Variants in SLC7A1 observed in about 807,000 individuals in gnomAD.
SLC7A1 encodes high affinity cationic amino acid transporter 1.
SLC7A1 carries 10 observed loss-of-function variants against 53.9 expected under a neutral mutation model. The ratio of observed to expected loss-of-function variants is 0.19; its 90% CI spans 0.11 to 0.31. SLC7A1 has a LOEUF of 0.31. Among genes scored for constraint, SLC7A1 ranks in the 10% least tolerant of loss-of-function variants. The pLI, the probability that SLC7A1 is intolerant of heterozygous loss-of-function variation, is 1.00. For synonymous variants in SLC7A1, 342 were observed against 338.7 expected, an observed-to-expected ratio of 1.01 and a Z score of -0.11; for missense variants, 525 against 827.2, an observed-to-expected ratio of 0.63 and a Z score of 4.48.
chr13:29,593,073 C>T (rs779047271), intron 1 of SLC7A1, among the ~76,000 whole-genome samples: 48 of 152,168 alleles, frequency 3.2e-4, no homozygotes, highest in Non-Finnish European at 4.7e-4. Flanking sequence ...CTGCAACACA[C>T]AGGCAGGCAC....
At chr13:29,528,412 A>G (rs1868998930) in intron 5 of SLC7A1, among the ~76,000 whole-genome samples, 2 of 152,192 alleles carry the variant, frequency 1.3e-5, no homozygotes, top group Admixed American at 1.3e-4. Context: ...AGACCAACAG[A>G]CAGACCGACC....
chr13:29,550,288 G>C (rs969980112), intron 2 of SLC7A1, among the ~76,000 whole-genome samples: 1 of 152,246 alleles, frequency 6.6e-6, no homozygotes, highest in African/African-American at 2.4e-5. Flanking sequence ...CATGCTGGCT[G>C]CAAGGGTAAA....
At position 29,514,207 on chromosome 13, in the gene SLC7A1, A is replaced by C; in HGVS notation, c.*273T>G. The C allele has an allele frequency of 4.3e-6, 2 of 461,108 alleles. No individual in the cohort carries two copies. The highest frequency in any genetic ancestry group is 3.6e-5 in the East Asian group (1 of 27,634). 28.6% of individuals were successfully genotyped at this position (461,108 alleles called of 1,614,324 possible). ...TCGGGGCTGAGCTGGTAGGGGAGGA[A>C]CTGCTTTGTTCAGAGAAGTGAGGAG... On this transcript the variant is annotated 3_prime_UTR_variant, in exon 13 of 13. Transcript: ENST00000380752.
chr13:29,527,032 C>T (rs1224957969), intron 5 of SLC7A1, among the ~76,000 whole-genome samples: 3 of 150,220 alleles, frequency 2.0e-5, no homozygotes, highest in Non-Finnish European at 2.9e-5. Flanking sequence ...ACCCGGGTGC[C>T]GGGACCCTGG....
At chr13:29,552,595 C>T (rs1390953837) in intron 2 of SLC7A1, among the ~76,000 whole-genome samples, 2 of 152,132 alleles carry the variant, frequency 1.3e-5, no homozygotes, top group Admixed American at 1.3e-4. Flanking sequence ...GATGGAAAAC[C>T]GCTTAAAGGT....
At position 29,524,207 on chromosome 13, in the gene SLC7A1, C is replaced by T. The variant is rs747240774; in HGVS notation, c.751G>A (p.Gly251Arg). The change falls in exon 6 of 13, where the codon GGG becomes AGG. Residue 251 changes from glycine to arginine, a missense_variant. Physicochemically the swap from Gly to Arg is moderately radical, Grantham distance 125. Around this residue, in one of 4 missense-constraint regions of SLC7A1, gnomAD observed 354 missense variants for 587.5 expected, o/e 0.60. Coordinates refer to ENST00000380752, the MANE Select transcript of SLC7A1 (RefSeq NM_003045.5). The stretch of plus-strand genomic sequence containing the variant: ...GCCCCCGACAGGACACCAGAGAACC[C>T]GAAGGGCATGAATCCACCAACACCG... ...KPGVGGFMPF[G>R]FSGVLSGAAT... is the part of the protein sequence containing the mutation. 1.1e-5 allele frequency: 17 copies of T among 1,614,106 alleles called. No homozygotes were observed. Among genetic ancestry groups the T allele is most frequent in the South Asian group, 5.5e-5 (5 of 91,072 alleles).
intron 1 of SLC7A1, among the ~76,000 whole-genome samples, chr13:29,564,143 A>G (rs779584927): frequency 2.6e-5 from 4 of 152,112 alleles, no homozygotes; most frequent in African/African-American, 7.2e-5. Flanking sequence ...GGAAGAATAC[A>G]CTGATTTTCC....
At chr13:29,541,380 A>T (rs1869659441) in intron 2 of SLC7A1, among the ~76,000 whole-genome samples, 1 of 152,188 alleles carries the variant, frequency 6.6e-6, no homozygotes, top group South Asian at 2.1e-4. Context: ...AAAGGAAATT[A>T]ACCGTGGTCA....
intron 1 of SLC7A1, among the ~76,000 whole-genome samples, chr13:29,567,791 C>T (rs1871032332): frequency 1.3e-5 from 2 of 151,956 alleles, no homozygotes; most frequent in Non-Finnish European, 2.9e-5. Context: ...GACTGACAGC[C>T]AGTAATTACC....
Position 29,510,028 on chromosome 13 carries a change from C to T in SLC7A1, c.*4452G>A, listed in dbSNP as rs1260902004. 1 of 152,622 alleles carries T rather than the reference C, an allele frequency of 6.6e-6. No homozygotes were observed. Among genetic ancestry groups the T allele is most frequent in the Non-Finnish European group, 1.5e-5 (1 of 68,042 alleles). The allele number at this position is 152,622 out of a possible 1,614,324, so 9.5% of individuals were successfully genotyped here. A position where few individuals can be genotyped will look rare whatever the true frequency, so the allele number is the denominator to read the frequency against. On this transcript the variant is annotated 3_prime_UTR_variant, in exon 13 of 13. Transcript: ENST00000380752. ...ATCATTTGCCTTGTTAATAAATTAACAGTCTGAGTGCATCTTTCCATCCTG... is the reference window on the plus strand; with the variant it reads ...ATCATTTGCCTTGTTAATAAATTAATAGTCTGAGTGCATCTTTCCATCCTG...
In SLC7A1 at chr13:29,528,491, C is replaced by T. The variant is rs368753090; in HGVS notation, c.704+2047G>A. 1.5e-4 allele frequency among the ~76,000 whole-genome samples: 23 copies of T among 152,292 alleles called. No individual in the cohort carries two copies. In the East Asian group the frequency reaches 3.5e-3, roughly 23 times the overall value. On this transcript the variant is annotated intron_variant, in intron 5 of 12. Transcript: ENST00000380752. ...AAAATCACAAACCCATGTGGTCTCA[C>T]GGCCTCCCATGCAAGCGGAAGCTCC... is the stretch of plus-strand genomic sequence containing the variant.
rs530499710 is a variant in SLC7A1 at position 29,513,853 on chromosome 13, G to C, written c.*627C>G. On this transcript the variant is annotated 3_prime_UTR_variant, in exon 13 of 13. Coordinates refer to ENST00000380752, the MANE Select transcript of SLC7A1 (RefSeq NM_003045.5). ...CCCTCAGCCCCGGGCAGCTGTCATG[G>C]TGTCAGAGCAAAGCCCTGAGAAGCC... 6.6e-6 allele frequency: 1 copy of C among 152,526 alleles called. No individual in the cohort carries two copies. Among genetic ancestry groups the C allele is most frequent in the Admixed American group, 6.5e-5 (1 of 15,300 alleles). The allele number at this position is 152,526 out of a possible 1,614,324, so 9.4% of individuals were successfully genotyped here.
At chr13:29,555,290 G>GGAGCTT (rs1413972240) in intron 1 of SLC7A1, among the ~76,000 whole-genome samples, 2 of 124,102 alleles carry the variant, frequency 1.6e-5, no homozygotes, top group Non-Finnish European at 1.6e-5. Flanking sequence ...CCCGGGAGGA[G>GGAGCTT]GAGCTTGCAG....
At chr13:29,595,026 G>C (rs1017415117) in intron 1 of SLC7A1, among the ~76,000 whole-genome samples, 5 of 151,996 alleles carry the variant, frequency 3.3e-5, no homozygotes, top group Admixed American at 3.3e-4. Context: ...GTGCCTCCCA[G>C]TCTGGCCCCC....
intron 12 of SLC7A1, among the ~76,000 whole-genome samples, chr13:29,515,082 T>C (rs1264650271): frequency 6.6e-6 from 1 of 152,220 alleles, no homozygotes; most frequent in Non-Finnish European, 1.5e-5. Flanking sequence ...GTCCACAGCC[T>C]GTTCCTGCAC....
intron 9 of SLC7A1, among the ~76,000 whole-genome samples, chr13:29,518,243 T>C (rs1168926460): frequency 1.3e-5 from 2 of 152,172 alleles, no homozygotes; most frequent in Non-Finnish European, 2.9e-5. Flanking sequence ...TTTGAGAAAT[T>C]CTATTTGTGT....
At chr13:29,546,586 C>A (rs1869932426) in intron 2 of SLC7A1, among the ~76,000 whole-genome samples, 1 of 152,274 alleles carries the variant, frequency 6.6e-6, no homozygotes, top group African/African-American at 2.4e-5. Flanking sequence ...CTCATTTATT[C>A]ACTCAACAAA....
chr13:29,566,083 G>A (rs1870957329), intron 1 of SLC7A1, among the ~76,000 whole-genome samples: 1 of 152,226 alleles, frequency 6.6e-6, no homozygotes, highest in Non-Finnish European at 1.5e-5. Flanking sequence ...TGGCAGCAGC[G>A]ATGGTTGTAC....
chr13:29,524,202 G>A lies in SLC7A1; in HGVS notation c.756C>T (p.Phe252=). ...TCGCTGCCCCCGACAGGACACCAGA[G>A]AACCCGAAGGGCATGAATCCACCAA... is the stretch of plus-strand genomic sequence containing the variant. The part of the protein sequence containing the change: ...PGVGGFMPFG[F]SGVLSGAATC... Residue 252 remains phenylalanine, a synonymous_variant, in exon 6 of 13, where the codon TTC becomes TTT. Transcript: ENST00000380752. 1 of 1,614,142 alleles carries A rather than the reference G, an allele frequency of 6.2e-7. No homozygotes were observed. The highest frequency in any genetic ancestry group is 8.5e-7 in the Non-Finnish European group (1 of 1,179,980).
Sources: gnomAD v4.1 joint callset for allele counts (sites outside exome capture counted in the v4.1 genomes callset) on GRCh38, gnomAD v4.1.1 for gene constraint, gnomAD v4.1.1 regional missense constraint, MANE v1.5 for transcripts, NCBI Gene and HGNC (gene_info 2026-07-23, HGNC 2026-07-21) for gene names.